FILIP1L: variants seen among roughly 807,000 people sequenced by gnomAD.
The protein encoded by FILIP1L is filamin A-interacting protein 1-like.
A neutral mutation model predicts 96.6 loss-of-function variants in FILIP1L; 55 were observed. That is an observed-to-expected ratio of 0.57 (90% CI 0.46 to 0.71). The LOEUF (loss-of-function observed/expected upper bound fraction) is 0.71, where lower values mean the gene tolerates loss of function less well. Among genes scored for constraint, FILIP1L ranks in the 30% least tolerant of loss-of-function variants. The pLI is 0.00. For synonymous variants in FILIP1L, 467 were observed against 473.9 expected, an observed-to-expected ratio of 0.99 and a Z score of 0.19; for missense variants, 1,304 against 1,321.2, an observed-to-expected ratio of 0.99 and a Z score of 0.20.
At chr3:100,078,861 A>G (rs1020031197) in intron 1 of FILIP1L, among the ~76,000 whole-genome samples, 1 of 152,188 alleles carries the variant, frequency 6.6e-6, no homozygotes, top group African/African-American at 2.4e-5. Context: ...ACTGCACTCC[A>G]GCCTGAGCGA....
In FILIP1L at chr3:100,108,810, C is replaced by T. The variant is rs563373913; in HGVS notation, c.-11+5243G>A. On this transcript the variant is annotated intron_variant, in intron 1 of 5. Coordinates refer to ENST00000477258, the MANE Select transcript of FILIP1L (RefSeq NM_001387850.1). Reference sequence around the variant, plus strand: ...GTGGTACACCTCATGCTCAGCACAGCGTGTGGTTGTGGTGGCTGTTGTTTT... The same window carrying T: ...GTGGTACACCTCATGCTCAGCACAGTGTGTGGTTGTGGTGGCTGTTGTTTT... 3.9e-5 allele frequency among the ~76,000 whole-genome samples: 6 copies of T among 152,192 alleles called. No individual in the cohort carries two copies. The East Asian group carries it at 9.6e-4, about 24-fold the overall frequency.
chr3:99,928,788 G>A (rs1352734193), intron 3 of FILIP1L, among the ~76,000 whole-genome samples: 1 of 152,162 alleles, frequency 6.6e-6, no homozygotes, highest in East Asian at 1.9e-4. Context: ...TATGTTGGGA[G>A]CCAGGATACA....
intron 1 of FILIP1L, among the ~76,000 whole-genome samples, chr3:100,056,877 G>T (rs182302727): frequency 1.1e-4 from 16 of 151,994 alleles, no homozygotes; most frequent in African/African-American, 3.9e-4. Context: ...GATGGCAGGC[G>T]CCTGTAGTCC....
intron 1 of FILIP1L, among the ~76,000 whole-genome samples, chr3:99,988,511 C>CAAAA (rs757175318): frequency 3.8e-4 from 18 of 47,696 alleles, no homozygotes; most frequent in African/African-American, 1.2e-3. Context: ...GACTCCATCT[C>CAAAA]AAAAAAAAAA....
At chr3:99,923,827 G>A (rs568622837) in intron 4 of FILIP1L, among the ~76,000 whole-genome samples, 1 of 152,302 alleles carries the variant, frequency 6.6e-6, no homozygotes, top group African/African-American at 2.4e-5. Context: ...CTACAATCAT[G>A]CCCTATGCTG....
chr3:100,011,191 A>G (rs1483470532), intron 1 of FILIP1L, among the ~76,000 whole-genome samples: 1 of 152,122 alleles, frequency 6.6e-6, no homozygotes, highest in Non-Finnish European at 1.5e-5. Flanking sequence ...AGTAAGAAGG[A>G]TGTCTATATT....
At chr3:100,091,460 G>A (rs1235279378) in intron 1 of FILIP1L, among the ~76,000 whole-genome samples, 1 of 152,190 alleles carries the variant, frequency 6.6e-6, no homozygotes, top group East Asian at 1.9e-4. Flanking sequence ...AAGAAATTAG[G>A]TAACAAGAGC....
At chr3:100,058,372 G>T (rs1559742655) in intron 1 of FILIP1L, among the ~76,000 whole-genome samples, 2 of 152,186 alleles carry the variant, frequency 1.3e-5, no homozygotes, top group Non-Finnish European at 2.9e-5. Context: ...ATTTTCCATT[G>T]TCATTCTTTG....
At chr3:100,000,510 G>A (rs1038643504) in intron 1 of FILIP1L, among the ~76,000 whole-genome samples, 8 of 152,058 alleles carry the variant, frequency 5.3e-5, no homozygotes, top group East Asian at 1.9e-4. Flanking sequence ...GGGTAAAAAC[G>A]GGTGAAAATT....
chr3:99,959,055 G>A (rs1035205410), intron 1 of FILIP1L, among the ~76,000 whole-genome samples: 4 of 152,134 alleles, frequency 2.6e-5, no homozygotes, highest in Admixed American at 1.3e-4. Context: ...GGTTATAAAT[G>A]TAACAGAATT....
intron 4 of FILIP1L, among the ~76,000 whole-genome samples, chr3:99,888,577 A>G (rs1705982684): frequency 4.6e-5 from 7 of 152,218 alleles, no homozygotes; most frequent in Admixed American, 4.6e-4. Context: ...TGTTTGATCC[A>G]TCACTGAAAA....
intron 1 of FILIP1L, among the ~76,000 whole-genome samples, chr3:100,056,285 A>T (rs577828643): frequency 6.6e-6 from 1 of 152,328 alleles, no homozygotes; most frequent in Admixed American, 6.5e-5. Context: ...CCAGCTGATA[A>T]ATTGACAAGT....
chr3:100,081,817 C>G (rs558999578), intron 1 of FILIP1L, among the ~76,000 whole-genome samples: 1 of 152,240 alleles, frequency 6.6e-6, no homozygotes, highest in Admixed American at 6.5e-5. Flanking sequence ...GTCTTAGTTG[C>G]AGAGGGCTGT....
At chr3:99,982,037 C>A (rs1206111031) in intron 1 of FILIP1L, among the ~76,000 whole-genome samples, 3 of 151,752 alleles carry the variant, frequency 2.0e-5, no homozygotes, top group African/African-American at 7.2e-5. Flanking sequence ...ATAATATGCT[C>A]TTTTAGTTGT....
chr3:100,011,790 T>C (rs1710163789), intron 1 of FILIP1L: 1 of 152,188 alleles, frequency 6.6e-6, no homozygotes, highest in African/African-American at 2.4e-5. Flanking sequence ...TAAAACACTG[T>C]GTTTTGGTTG....
At chr3:99,837,123 A>T (rs1485051869) in intron 5 of FILIP1L, among the ~76,000 whole-genome samples, 1 of 152,224 alleles carries the variant, frequency 6.6e-6, no homozygotes, top group Non-Finnish European at 1.5e-5. Flanking sequence ...TAATTAATAC[A>T]TACTCTTATA....
intron 4 of FILIP1L, among the ~76,000 whole-genome samples, chr3:99,872,395 T>C (rs1944846036): frequency 6.6e-6 from 1 of 151,404 alleles, no homozygotes; most frequent in African/African-American, 2.4e-5. Context: ...AAATTCATAG[T>C]TGAATGTTTG....
At chr3:99,897,129 T>C (rs151301104) in intron 4 of FILIP1L, among the ~76,000 whole-genome samples, 1,761 of 152,070 alleles carry the variant, frequency 0.012, 18 homozygotes, top group African/African-American at 0.026. Flanking sequence ...GAGGCAGAGG[T>C]GGGCAGATCA....
chr3:99,923,123 C>T (rs193105343), intron 4 of FILIP1L, among the ~76,000 whole-genome samples: 4 of 152,154 alleles, frequency 2.6e-5, no homozygotes, highest in Admixed American at 2.6e-4. Context: ...TTTTCAACCC[C>T]CTTTTTCTTC....
Sources: allele counts gnomAD v4.1 joint callset (sites outside exome capture counted in the v4.1 genomes callset), GRCh38; gene constraint gnomAD v4.1.1; transcripts MANE v1.5; gene names NCBI Gene and HGNC (gene_info 2026-07-23, HGNC 2026-07-21).